The following ATG2B variants were observed in gnomAD, a reference collection of about 807,000 sequenced individuals.
The protein encoded by ATG2B is autophagy-related protein 2 homolog B.
Under a neutral mutation model 241.3 loss-of-function variants are expected in ATG2B, and 121 were observed. The ratio of observed to expected loss-of-function variants is 0.50; its 90% CI spans 0.43 to 0.58. ATG2B has a LOEUF of 0.58. ATG2B is among the 20% of genes least tolerant of loss of function. ATG2B has a pLI of 0.00. For missense variants in ATG2B, 2,306 were observed against 2,491.6 expected (o/e 0.93, Z 1.59); for synonymous variants, 858 against 876.6 (o/e 0.98, Z 0.37).
At position 96,284,908 on chromosome 14, in the gene ATG2B, C is replaced by T. The variant is rs1886295387; in HGVS notation, c.*847G>A. 6.6e-6 allele frequency: 1 copy of T among 152,196 alleles called. No homozygotes were observed. The highest frequency in any genetic ancestry group is 6.5e-5 in the Admixed American group (1 of 15,284). The allele number at this position is 152,196 out of a possible 1,614,324, so 9.4% of individuals were successfully genotyped here. ...ATCACTTCCAATCTTCCCTTCCACA[C>T]ATTCCTAACAAGCCTGCACTATACC... On this transcript the variant is annotated 3_prime_UTR_variant, in exon 42 of 42. Coordinates refer to ENST00000359933, the MANE Select transcript of ATG2B (RefSeq NM_018036.7).
Position 96,282,476 on chromosome 14 carries a change from A to C in ATG2B, c.*3279T>G, listed in dbSNP as rs1886224514. Reference sequence around the variant, plus strand: ...CAGTTCTGAGGATGCGGGTGCGAGGACTCTGAAGCAAAGCAAAGCAGAGGG... The same window carrying C: ...CAGTTCTGAGGATGCGGGTGCGAGGCCTCTGAAGCAAAGCAAAGCAGAGGG... On this transcript the variant is annotated 3_prime_UTR_variant, in exon 42 of 42. Coordinates refer to ENST00000359933, the MANE Select transcript of ATG2B (RefSeq NM_018036.7). 6.6e-6 allele frequency: 1 copy of C among 152,244 alleles called. No homozygotes were observed. The highest frequency in any genetic ancestry group is 2.4e-5 in the African/African-American group (1 of 41,456). The allele number at this position is 152,244 out of a possible 1,614,324, so 9.4% of individuals were successfully genotyped here.
intron 16 of ATG2B, 108 bp downstream of exon 16, chr14:96,323,788 C>G: frequency 1.3e-6 from 1 of 760,410 alleles, no homozygotes; most frequent in East Asian, 2.6e-5. Flanking sequence ...ACAAAAGAAT[C>G]AAGGATGGAC....
Position 96,290,411 on chromosome 14 carries a change from A to G in ATG2B, c.5856+25T>C, listed in dbSNP as rs773129778. On this transcript the variant is annotated intron_variant, in intron 40 of 41. Transcript: ENST00000359933. This position sits in a 1 kb window ranked among gnomAD's most constrained non-coding sequence, Gnocchi z 4.4. ...CATTTCACAATGGCTCTTTTTGGATAGACTAAGGCAGTCTAAAAAGATACC... is the reference window on the plus strand; with the variant it reads ...CATTTCACAATGGCTCTTTTTGGATGGACTAAGGCAGTCTAAAAAGATACC... 3.1e-6 allele frequency: 5 copies of G among 1,595,104 alleles called. No homozygotes were observed. Among genetic ancestry groups the G allele is most frequent in the Non-Finnish European group, 4.3e-6 (5 of 1,169,408 alleles).
At chr14:96,295,614 A>G in intron 34 of ATG2B, 54 bp from the exon 35 acceptor site, 5 of 1,178,712 alleles carry the variant, frequency 4.2e-6, no homozygotes, top group African/African-American at 1.5e-5. Context: ...ACCTATTTCT[A>G]AAACTATGAA....
Position 96,285,934 on chromosome 14 carries a change from C to A in ATG2B, c.6058G>T (p.Glu2020Ter). ...ACGGCACCAGTCACCCCTCTGCTCT[C>A]GTGTTCTCGAGCCGCAGTTTCATAA... Reference protein sequence around the residue: ...TIYETAAREHESRGVTGAVGE... With the variant: ...TIYETAAREH Residue 2020 changes from glutamate to a stop codon, truncating the protein, a stop_gained, in exon 42 of 42, where the codon GAG becomes TAG. Transcript: ENST00000359933. LOFTEE classifies it high-confidence loss of function. The surrounding 1 kb of genome is among the most constrained non-coding windows in gnomAD (Gnocchi z 4.2). 1 of 1,613,964 alleles carries A rather than the reference C, an allele frequency of 6.2e-7. No homozygotes were observed. Among genetic ancestry groups the A allele is most frequent in the Non-Finnish European group, 8.5e-7 (1 of 1,180,016 alleles).
chr14:96,290,651 AC>A lies in ATG2B; in HGVS notation c.5702-62del. On this transcript the variant is annotated intron_variant, in intron 39 of 41. Coordinates refer to ENST00000359933, the MANE Select transcript of ATG2B (RefSeq NM_018036.7). This position sits in a 1 kb window ranked among gnomAD's most constrained non-coding sequence, Gnocchi z 4.4. Reference sequence around the variant, plus strand: ...CAGTTCAGACTTTTCTATCATTCTAACCCTGGGGTTTTTAACTCCTAAAACT... The same window carrying A: ...CAGTTCAGACTTTTCTATCATTCTAACCTGGGGTTTTTAACTCCTAAAACT... 6.3e-7 allele frequency: 1 copy of A among 1,593,876 alleles called. No homozygotes were observed. Among genetic ancestry groups the A allele is most frequent in the Non-Finnish European group, 8.6e-7 (1 of 1,169,026 alleles).
At chr14:96,340,512 C>A (rs963243734) in intron 6 of ATG2B, among the ~76,000 whole-genome samples, 5 of 151,934 alleles carry the variant, frequency 3.3e-5, no homozygotes, top group Non-Finnish European at 7.4e-5. Context: ...CATGAAGATT[C>A]CCCTACTCAC....
intron 34 of ATG2B, among the ~76,000 whole-genome samples, chr14:96,300,824 T>C (rs186521482): frequency 2.0e-5 from 3 of 152,360 alleles, no homozygotes; most frequent in Admixed American, 2.0e-4. Context: ...TACTTCACAG[T>C]ACATTTTCTC....
At chr14:96,302,215 GA>G (rs1481722124) in intron 33 of ATG2B, 107 bp from the exon 34 acceptor site, 1 of 666,320 alleles carries the variant, frequency 1.5e-6, no homozygotes, top group Non-Finnish European at 2.5e-6. Context: ...TACCATATGA[GA>G]AAAAGAGGAA....
Position 96,290,051 on chromosome 14 carries a change from A to G in ATG2B, c.5857-246T>C. 4 of 1,106,832 alleles carry G rather than the reference A, an allele frequency of 3.6e-6. No individual in the cohort carries two copies. Among genetic ancestry groups the G allele is most frequent in the Non-Finnish European group, 4.8e-6 (4 of 839,764 alleles). 68.6% of individuals were successfully genotyped at this position (1,106,832 alleles called of 1,614,324 possible). On this transcript the variant is annotated intron_variant, in intron 40 of 41. Transcript: ENST00000359933. This position sits in a 1 kb window ranked among gnomAD's most constrained non-coding sequence, Gnocchi z 4.4. ...TTTTTAGCCCCTCCTCTGTTCACTG[A>G]GAACACTCAACATTTCCACATCAGT...
At chr14:96,358,974 C>G (rs1888552726) in intron 1 of ATG2B, among the ~76,000 whole-genome samples, 1 of 152,088 alleles carries the variant, frequency 6.6e-6, no homozygotes, top group Admixed American at 6.5e-5. Context: ...CTCCAGGTGA[C>G]CTTTGACAAA....
intron 13 of ATG2B, 56 bp from the exon 14 acceptor site, chr14:96,328,591 A>G: frequency 6.4e-7 from 1 of 1,556,898 alleles, no homozygotes; most frequent in Non-Finnish European, 8.7e-7. Flanking sequence ...CTACTATATA[A>G]TTGGGTTAAA....
At chr14:96,338,821 G>A (rs1338332618) in intron 6 of ATG2B, among the ~76,000 whole-genome samples, 1 of 152,118 alleles carries the variant, frequency 6.6e-6, no homozygotes, top group African/African-American at 2.4e-5. Context: ...CTCAGCAAAA[G>A]AAATAACCAG....
chr14:96,314,657 T>G (rs1363899769), intron 23 of ATG2B, among the ~76,000 whole-genome samples: 5 of 152,026 alleles, frequency 3.3e-5, no homozygotes, highest in Admixed American at 3.3e-4. Flanking sequence ...AATTACATTC[T>G]GAGGTGATAA....
rs3837603 is a variant in ATG2B, at chr14:96,288,012, C to CT, written c.6006+1643dup. ...AGAAATACCAAGCACCACTTAGGAA[C>CT]TTTTTTTTTTTTAACTTTAATAGAG... On this transcript the variant is annotated intron_variant, in intron 41 of 41. Coordinates refer to ENST00000359933, the MANE Select transcript of ATG2B (RefSeq NM_018036.7). Among the ~76,000 whole-genome samples the CT allele has an allele frequency of 5.3e-4, 80 of 150,316 alleles. 1 individual carries two copies. The highest frequency in any genetic ancestry group is 2.5e-3 in the Admixed American group (38 of 15,094).
rs1478390934 is a variant in ATG2B, at chr14:96,360,156, G to T, written c.162+2659C>A. The stretch of plus-strand genomic sequence containing the variant: ...TTCCTGGTTTCTCCTATGGCCAAGT[G>T]TTTAAGGGTTGGATTTAAAGATAAG... On this transcript the variant is annotated intron_variant, in intron 1 of 41. Transcript: ENST00000359933. 2.6e-5 allele frequency among the ~76,000 whole-genome samples: 4 copies of T among 152,228 alleles called. No individual in the cohort carries two copies. In the East Asian group the frequency reaches 5.8e-4, roughly 22 times the overall value.
rs1462490931 is a variant in ATG2B at position 96,316,612 on chromosome 14, A to T, written c.3282T>A (p.Phe1094Leu). The change falls in exon 21 of 42, where the codon TTT (phenylalanine) becomes TTA (leucine). Residue 1094 changes from phenylalanine to leucine, a missense_variant. Phe to Leu is a conservative substitution (Grantham distance 22). Coordinates refer to ENST00000359933, the MANE Select transcript of ATG2B (RefSeq NM_018036.7). ...FWLEFNSGSLFCVTKYEGFDD... is the reference protein window; with the variant it reads ...FWLEFNSGSLLCVTKYEGFDD... The stretch of plus-strand genomic sequence containing the variant: ...CAAAACCTTCATATTTTGTCACACA[A>T]AATAATGAACCACTATTGAACTCTA... 2 of 1,613,480 alleles carry T rather than the reference A, an allele frequency of 1.2e-6. No homozygotes were observed. Among genetic ancestry groups the T allele is most frequent in the Non-Finnish European group, 1.7e-6 (2 of 1,179,790 alleles).
At chr14:96,293,493 G>A (rs1454787508) in intron 36 of ATG2B, among the ~76,000 whole-genome samples, 2 of 152,186 alleles carry the variant, frequency 1.3e-5, no homozygotes, top group Non-Finnish European at 2.9e-5. Flanking sequence ...TAAGTGCTCA[G>A]TAAATATTTG....
chr14:96,290,068 C>T lies in ATG2B; in HGVS notation c.5857-263G>A. On this transcript the variant is annotated intron_variant, in intron 40 of 41. Transcript: ENST00000359933. This position sits in a 1 kb window ranked among gnomAD's most constrained non-coding sequence, Gnocchi z 4.4. Reference sequence around the variant, plus strand: ...GTTCACTGAGAACACTCAACATTTCCACATCAGTCTATGGAGCTTAATACT... The same window carrying T: ...GTTCACTGAGAACACTCAACATTTCTACATCAGTCTATGGAGCTTAATACT... 8.5e-7 allele frequency: 1 copy of T among 1,180,250 alleles called. No individual in the cohort carries two copies. Among genetic ancestry groups the T allele is most frequent in the Non-Finnish European group, 1.1e-6 (1 of 911,766 alleles). The allele number at this position is 1,180,250 out of a possible 1,614,324, so 73.1% of individuals were successfully genotyped here. A position where few individuals can be genotyped will look rare whatever the true frequency, so the allele number is the denominator to read the frequency against.
Sources: gnomAD v4.1 joint callset for allele counts (sites outside exome capture counted in the v4.1 genomes callset) on GRCh38, gnomAD v4.1.1 for gene constraint, Gnocchi (gnomAD v3.1) non-coding constraint, MANE v1.5 for transcripts, NCBI Gene and HGNC (gene_info 2026-07-23, HGNC 2026-07-21) for gene names.